CDH23: variants seen among roughly 807,000 people sequenced by gnomAD.
CDH23 encodes cadherin related 23.
In CDH23, 189 loss-of-function variants were observed where a neutral mutation model predicts 317.1. That is an observed-to-expected ratio of 0.60 (90% CI 0.53 to 0.67). The LOEUF (loss-of-function observed/expected upper bound fraction) is 0.67, where lower values mean the gene tolerates loss of function less well. Among genes scored for constraint, CDH23 ranks in the 30% least tolerant of loss-of-function variants. The probability of loss-of-function intolerance (pLI) is 0.00; values close to 1 mark genes in which losing one functional copy is unlikely to be tolerated. For missense variants in CDH23, 4,401 were observed against 4,592.4 expected, an observed-to-expected ratio of 0.96 and a Z score of 1.20; for synonymous variants, 1,839 against 1,876.8, an observed-to-expected ratio of 0.98 and a Z score of 0.52.
chr10:71,651,727 G>A lies in CDH23; in HGVS notation c.1449+5110G>A, dbSNP rs562905770. On this transcript the variant is annotated intron_variant, in intron 14 of 69. Transcript: ENST00000224721. ...GATACTCCCCACAATATGCCCTTTG[G>A]GATGCTGTTCTGATAGTGGGGAAGG... Among the ~76,000 whole-genome samples the A allele has an allele frequency of 1.8e-4, 28 of 152,224 alleles. 1 individual carries two copies. In the South Asian group the frequency reaches 5.0e-3, roughly 27 times the overall value.
chr10:71,812,973 T>C, intron 68 of CDH23, 83 bp downstream of exon 68: 1 of 1,568,330 alleles, frequency 6.4e-7, no homozygotes, highest in South Asian at 1.2e-5. Flanking sequence ...GGTAGAGACC[T>C]CCAGGCTCAG....
chr10:71,813,416 G>A lies in CDH23; in HGVS notation c.9738+68G>A, dbSNP rs1012722249. On this transcript the variant is annotated intron_variant, in intron 69 of 69. Coordinates refer to ENST00000224721, the MANE Select transcript of CDH23 (RefSeq NM_022124.6). ...CTGGGGATGCTCTCTGTCTCTTGCT[G>A]TCCTGCTGTCCTTCTCTATGTCTCT... 4 of 1,299,150 alleles carry A rather than the reference G, an allele frequency of 3.1e-6. No individual in the cohort carries two copies. In the African/African-American group the frequency reaches 5.9e-5, roughly 19 times the overall value. The allele number at this position is 1,299,150 out of a possible 1,614,324, so 80.5% of individuals were successfully genotyped here.
chr10:71,559,361 C>T (rs1221954624), intron 6 of CDH23, among the ~76,000 whole-genome samples: 3 of 152,202 alleles, frequency 2.0e-5, no homozygotes, highest in South Asian at 4.1e-4. Context: ...ACCACAAAAT[C>T]CTGATTCTTT....
rs529124814 is a variant in CDH23 at position 71,626,386 on chromosome 10, G to A, written c.1134+8993G>A. On this transcript the variant is annotated intron_variant, in intron 11 of 69. Coordinates refer to ENST00000224721, the MANE Select transcript of CDH23 (RefSeq NM_022124.6). The stretch of plus-strand genomic sequence containing the variant: ...CTTAGCCTTAGCCGTACACCGTGTG[G>A]GGATGGACAGGGTGGGAGCAGGGAG... Among the ~76,000 whole-genome samples, 7 of 152,280 alleles carry A rather than the reference G, an allele frequency of 4.6e-5. No homozygotes were observed. In the South Asian group the frequency reaches 8.3e-4, roughly 18 times the overall value.
chr10:71,453,541 T>C (rs1850550649), intron 3 of CDH23, among the ~76,000 whole-genome samples: 1 of 151,974 alleles, frequency 6.6e-6, no homozygotes, highest in African/African-American at 2.4e-5. Context: ...GAAAGAGGAG[T>C]CTGGGAGGCA....
rs1320116101 is a variant in CDH23 at position 71,470,767 on chromosome 10, A to ACTGT, written c.145+24372_145+24373insCTGT. 2.7e-4 allele frequency among the ~76,000 whole-genome samples: 41 copies of ACTGT among 152,310 alleles called. 1 individual carries two copies. In the East Asian group the frequency reaches 7.9e-3, roughly 29 times the overall value. On this transcript the variant is annotated intron_variant, in intron 3 of 69. Transcript: ENST00000224721. ...TGGCCTCTCAAAGTGCTGGGATTAC[A>ACTGT]GGCATGAGCCACTGTGCCTGGCCCT... is the stretch of plus-strand genomic sequence containing the variant.
In CDH23 at chr10:71,439,588, C is replaced by T. The variant is rs530557199; in HGVS notation, c.-5-239C>T. Among the ~76,000 whole-genome samples, 3 of 152,352 alleles carry T rather than the reference C, an allele frequency of 2.0e-5. No individual in the cohort carries two copies. The South Asian group carries it at 6.2e-4, about 32-fold the overall frequency. Reference sequence around the variant, plus strand: ...GCAAAGAGGACCCAATAGGCCCCAGCCTCACCCAGTGACTCACAGGCCACT... The same window carrying T: ...GCAAAGAGGACCCAATAGGCCCCAGTCTCACCCAGTGACTCACAGGCCACT... On this transcript the variant is annotated intron_variant, in intron 1 of 69. Transcript: ENST00000224721.
At chr10:71,426,133 G>C (rs1017060686) in intron 1 of CDH23, among the ~76,000 whole-genome samples, 1 of 152,150 alleles carries the variant, frequency 6.6e-6, no homozygotes, top group East Asian at 1.9e-4. Context: ...TTGAACAGGC[G>C]GACACTAGGA....
intron 20 of CDH23, among the ~76,000 whole-genome samples, chr10:71,692,437 T>C (rs1432350904): frequency 1.3e-5 from 2 of 152,204 alleles, no homozygotes; most frequent in Non-Finnish European, 2.9e-5. Flanking sequence ...TCCACAGAGG[T>C]GGCCTTAATT....
intron 38 of CDH23, among the ~76,000 whole-genome samples, chr10:71,765,492 G>T (rs939507203): frequency 6.6e-5 from 10 of 152,184 alleles, no homozygotes; most frequent in Non-Finnish European, 1.2e-4. Flanking sequence ...TTGTTGGCCT[G>T]AGTGTCCCTG....
chr10:71,773,594 C>A, intron 38 of CDH23: 2 of 610,992 alleles, frequency 3.3e-6, no homozygotes, highest in Non-Finnish European at 5.1e-6. Flanking sequence ...GCGCAGCGCC[C>A]CCGGGGGGCC....
At chr10:71,665,261 A>T (rs139764560) in intron 14 of CDH23, among the ~76,000 whole-genome samples, 414 of 152,238 alleles carry the variant, frequency 2.7e-3, no homozygotes, top group Non-Finnish European at 4.5e-3. Flanking sequence ...TCAGCTCCAG[A>T]TTCCAAACAT....
At chr10:71,408,255 G>T (rs958054993) in intron 1 of CDH23, among the ~76,000 whole-genome samples, 1 of 152,076 alleles carries the variant, frequency 6.6e-6, no homozygotes, top group Non-Finnish European at 1.5e-5. Flanking sequence ...ACTATGCAGG[G>T]CACACTGAGA....
chr10:71,566,019 A>G (rs1857376973), intron 6 of CDH23, among the ~76,000 whole-genome samples: 1 of 152,228 alleles, frequency 6.6e-6, no homozygotes, highest in Admixed American at 6.5e-5. Flanking sequence ...CAAGAAGTAT[A>G]AATAGCTCCA....
intron 6 of CDH23, 48 bp downstream of exon 6, chr10:71,511,260 C>T (rs1376420585): frequency 1.4e-6 from 2 of 1,474,302 alleles, no homozygotes; most frequent in East Asian, 2.3e-5. Flanking sequence ...ACCTGCTGCT[C>T]CCCAGACCAC....
At chr10:71,609,840 C>T (rs1860753828) in intron 9 of CDH23, among the ~76,000 whole-genome samples, 1 of 152,212 alleles carries the variant, frequency 6.6e-6, no homozygotes, top group African/African-American at 2.4e-5. Flanking sequence ...CCATGGTAGG[C>T]CACCTCCCCA....
chr10:71,779,299 T>C lies in CDH23; in HGVS notation c.5220T>C (p.Asn1740=), dbSNP rs374711944. 3.7e-6 allele frequency: 6 copies of C among 1,613,854 alleles called. No individual in the cohort carries two copies. The highest frequency in any genetic ancestry group is 1.3e-5 in the African/African-American group (1 of 74,922). The change falls in exon 41 of 70, where the codon AAT becomes AAC. Residue 1740 remains asparagine (N), a synonymous_variant. Coordinates refer to ENST00000224721, the MANE Select transcript of CDH23 (RefSeq NM_022124.6). ...TGAATGTGAATGACATCAACGACAA[T>C]GTGCCTACCTTCCCCCGGGACTATG... ...VLVNVNDIND[N]VPTFPRDYEG...
At chr10:71,783,560 C>G (rs1841014575) in intron 41 of CDH23, among the ~76,000 whole-genome samples, 1 of 152,220 alleles carries the variant, frequency 6.6e-6, no homozygotes. Context: ...ATCTGAGAAT[C>G]TGAGGTTCTT....
At chr10:71,570,954 T>C (rs1204101635) in intron 8 of CDH23, 36 bp downstream of exon 8, 4 of 1,609,030 alleles carry the variant, frequency 2.5e-6, no homozygotes, top group Non-Finnish European at 3.4e-6. Flanking sequence ...AGAAGTCCCT[T>C]CTCAGAGGGA....
Sources: allele counts gnomAD v4.1 joint callset (sites outside exome capture counted in the v4.1 genomes callset), GRCh38; gene constraint gnomAD v4.1.1; transcripts MANE v1.5; gene names NCBI Gene and HGNC (gene_info 2026-07-23, HGNC 2026-07-21).